PDGFD: variants seen among roughly 807,000 people sequenced by gnomAD.
The protein encoded by PDGFD is platelet-derived growth factor D.
PDGFD carries 30 observed loss-of-function variants against 44.7 expected under a neutral mutation model. The ratio of observed to expected loss-of-function variants is 0.67; its 90% CI spans 0.50 to 0.91. The LOEUF (loss-of-function observed/expected upper bound fraction) is 0.91, where lower values mean the gene tolerates loss of function less well. Among genes scored for constraint, PDGFD ranks in the 40% least tolerant of loss-of-function variants. The pLI is 0.00. For synonymous variants in PDGFD, 173 were observed against 168.4 expected (o/e 1.03, Z -0.21); for missense variants, 445 against 457.8 (o/e 0.97, Z 0.25).
intron 1 of PDGFD, among the ~76,000 whole-genome samples, chr11:104,150,100 T>C (rs971257244): frequency 2.0e-5 from 3 of 152,116 alleles, no homozygotes; most frequent in Admixed American, 6.6e-5. Flanking sequence ...GGAGCAGATA[T>C]GCAGCGGACT....
intron 1 of PDGFD, among the ~76,000 whole-genome samples, chr11:104,051,658 A>G (rs1393723401): frequency 1.4e-5 from 2 of 142,798 alleles, no homozygotes; most frequent in African/African-American, 5.5e-5. Context: ...TTCCTGAATG[A>G]AAAAAAAAAA....
At position 103,982,600 on chromosome 11, in the gene PDGFD, C is replaced by T. The variant is rs565591398; in HGVS notation, c.510+13465G>A. On this transcript the variant is annotated intron_variant, in intron 3 of 6. Transcript: ENST00000393158. ...GAAAGAGAAAGAAATAAAGGGCATCCGAATAGGAAGAGAGAAAGTCAGATT... is the reference window on the plus strand; with the variant it reads ...GAAAGAGAAAGAAATAAAGGGCATCTGAATAGGAAGAGAGAAAGTCAGATT... Among the ~76,000 whole-genome samples, 14 of 151,736 alleles carry T rather than the reference C, an allele frequency of 9.2e-5. 1 individual carries two copies. Among genetic ancestry groups the T allele is most frequent in the African/African-American group, 2.9e-4 (12 of 41,176 alleles).
At chr11:104,153,323 A>C (rs886159397) in intron 1 of PDGFD, among the ~76,000 whole-genome samples, 2 of 152,190 alleles carry the variant, frequency 1.3e-5, no homozygotes, top group African/African-American at 2.4e-5. Context: ...ATCAGACCTC[A>C]TTGAGCTTCT....
chr11:103,955,137 C>A (rs1858819982), intron 3 of PDGFD, among the ~76,000 whole-genome samples: 1 of 127,724 alleles, frequency 7.8e-6, no homozygotes, highest in Non-Finnish European at 1.6e-5. Flanking sequence ...GCACTCCAGC[C>A]TGGGCGACAG....
In PDGFD at chr11:103,945,968, T is replaced by C. The variant is rs1858662539; in HGVS notation, c.573+1694A>G. The C allele has an allele frequency of 3.9e-5, 6 of 152,204 alleles. No individual in the cohort carries two copies. The South Asian group carries it at 1.2e-3, about 32-fold the overall frequency. The allele number at this position is 152,204 out of a possible 1,614,324, so 9.4% of individuals were successfully genotyped here. ...ATTTATGAATGATGAGGTGACCTAA[T>C]AAGACTACAAGAACATTTTGGTTTC... On this transcript the variant is annotated intron_variant, in intron 4 of 6. Transcript: ENST00000393158.
At chr11:104,141,179 G>C (rs1862080268) in intron 1 of PDGFD, among the ~76,000 whole-genome samples, 1 of 152,100 alleles carries the variant, frequency 6.6e-6, no homozygotes, top group Non-Finnish European at 1.5e-5. Context: ...AACCAACGTA[G>C]TTAAAAAACC....
At chr11:104,084,771 AATT>A (rs1246419236) in intron 1 of PDGFD, among the ~76,000 whole-genome samples, 1 of 146,372 alleles carries the variant, frequency 6.8e-6, no homozygotes, top group Non-Finnish European at 1.5e-5. Flanking sequence ...TTAATTATAA[AATT>A]ATACATAAAA....
At chr11:104,010,887 T>C (rs1291667746) in intron 1 of PDGFD, among the ~76,000 whole-genome samples, 1 of 152,058 alleles carries the variant, frequency 6.6e-6, no homozygotes, top group Non-Finnish European at 1.5e-5. Flanking sequence ...ATCCTTTCCA[T>C]AATACTAACT....
intron 1 of PDGFD, among the ~76,000 whole-genome samples, chr11:104,075,396 T>C (rs1020363937): frequency 1.3e-5 from 2 of 151,850 alleles, no homozygotes; most frequent in Admixed American, 1.3e-4. Flanking sequence ...TTTTCTTAAA[T>C]CTACACTAAG....
intron 1 of PDGFD, among the ~76,000 whole-genome samples, chr11:104,070,891 T>C (rs972851526): frequency 1.3e-5 from 2 of 152,148 alleles, no homozygotes; most frequent in Non-Finnish European, 2.9e-5. Flanking sequence ...TGGAGTTGCA[T>C]GTTCAGAATA....
intron 3 of PDGFD, among the ~76,000 whole-genome samples, chr11:103,954,921 T>C (rs1444595622): frequency 1.3e-5 from 2 of 151,792 alleles, no homozygotes; most frequent in Non-Finnish European, 2.9e-5. Context: ...TCCCAGCACT[T>C]TGGGAGGCCG....
Position 104,105,155 on chromosome 11 carries a change from C to G in PDGFD, c.124+58649G>C, listed in dbSNP as rs57806707. The stretch of plus-strand genomic sequence containing the variant: ...AGGAGACAGATGAAGATCACCCAGA[C>G]AGTAACTTGCCCAGGATCACACAGA... On this transcript the variant is annotated intron_variant, in intron 1 of 6. Coordinates refer to ENST00000393158, the MANE Select transcript of PDGFD (RefSeq NM_025208.5). Among the ~76,000 whole-genome samples, 454 of 152,294 alleles carry G rather than the reference C, an allele frequency of 3.0e-3. 1 individual carries two copies. Among genetic ancestry groups the G allele is most frequent in the African/African-American group, 0.01 (435 of 41,570 alleles).
chr11:104,021,280 A>G (rs983792385), intron 1 of PDGFD, among the ~76,000 whole-genome samples: 1 of 152,172 alleles, frequency 6.6e-6, no homozygotes, highest in Non-Finnish European at 1.5e-5. Context: ...TTGTTTTGAG[A>G]GAGAAAAGAG....
chr11:103,999,523 G>C (rs556173904), intron 2 of PDGFD, among the ~76,000 whole-genome samples: 10 of 152,262 alleles, frequency 6.6e-5, no homozygotes, highest in Non-Finnish European at 1.2e-4. Context: ...TCTGGGGTGA[G>C]CTTTCTCTTC....
At chr11:103,927,164 C>G in intron 5 of PDGFD, 38 bp from the exon 6 acceptor site, 1 of 1,552,762 alleles carries the variant, frequency 6.4e-7, no homozygotes, top group Non-Finnish European at 8.9e-7. Flanking sequence ...GCAAACACAA[C>G]AGTAAGCACA....
intron 3 of PDGFD, among the ~76,000 whole-genome samples, chr11:103,970,130 G>T (rs1469656582): frequency 6.6e-6 from 1 of 152,056 alleles, no homozygotes; most frequent in Non-Finnish European, 1.5e-5. Context: ...AGATTTAGTG[G>T]AGTATTTTAG....
At chr11:104,022,026 A>G (rs1034142499) in intron 1 of PDGFD, among the ~76,000 whole-genome samples, 1 of 152,192 alleles carries the variant, frequency 6.6e-6, no homozygotes, top group African/African-American at 2.4e-5. Context: ...TACCCCAGTT[A>G]ATGTAGCAAA....
intron 1 of PDGFD, among the ~76,000 whole-genome samples, chr11:104,105,892 A>G (rs1225761785): frequency 1.3e-5 from 2 of 151,876 alleles, no homozygotes; most frequent in Non-Finnish European, 2.9e-5. Context: ...AGTGTTATAT[A>G]TAAGTAGATA....
chr11:104,098,019 A>C (rs2515083), intron 1 of PDGFD, among the ~76,000 whole-genome samples: 107,253 of 152,064 alleles, frequency 0.71, 38,171 homozygotes, highest in East Asian at 0.98. Flanking sequence ...CACTTTCAAT[A>C]ATTAGAAAAG....
Sources: gnomAD v4.1 joint callset for allele counts (sites outside exome capture counted in the v4.1 genomes callset) on GRCh38, gnomAD v4.1.1 for gene constraint, MANE v1.5 for transcripts, NCBI Gene and HGNC (gene_info 2026-07-23, HGNC 2026-07-21) for gene names.